FARS2: variants seen among roughly 807,000 people sequenced by gnomAD.
FARS2 encodes phenylalanyl-tRNA synthetase 2, mitochondrial, also known as phenylalanine--tRNA ligase, mitochondrial.
A neutral mutation model predicts 46.4 loss-of-function variants in FARS2; 40 were observed. The ratio of observed to expected loss-of-function variants is 0.86; its 90% CI spans 0.67 to 1.12. The LOEUF is 1.12. Among genes scored for constraint, FARS2 ranks in the 50% most tolerant of loss-of-function variants. The pLI is 0.00. For synonymous variants in FARS2, 234 were observed against 214.9 expected (o/e 1.09, Z -0.78); for missense variants, 513 against 567.9 (o/e 0.90, Z 0.98).
At chr6:5,258,338 C>G (rs1481507328), upstream of FARS2, among the ~76,000 whole-genome samples, 2 of 152,264 alleles carry the variant, frequency 1.3e-5, no homozygotes, top group Non-Finnish European at 2.9e-5. Flanking sequence ...GCTTATTCAG[C>G]ACTACCTGTG....
chr6:5,733,588 T>C (rs969841680), intron 6 of FARS2, among the ~76,000 whole-genome samples: 5 of 152,242 alleles, frequency 3.3e-5, no homozygotes, highest in African/African-American at 1.2e-4. Flanking sequence ...CTTGCCCTAA[T>C]TTTAATCATG....
At chr6:5,314,270 AT>A (rs1769289154) in intron 1 of FARS2, among the ~76,000 whole-genome samples, 1 of 152,100 alleles carries the variant, frequency 6.6e-6, no homozygotes, top group Admixed American at 6.6e-5. Flanking sequence ...AGGCAGATGG[AT>A]ACCTGGGATA....
chr6:5,379,141 A>G (rs144945637), intron 2 of FARS2, among the ~76,000 whole-genome samples: 1 of 151,868 alleles, frequency 6.6e-6, no homozygotes, highest in East Asian at 1.9e-4. Context: ...TGGTTAGTCA[A>G]CTCCTTAAGG....
intron 2 of FARS2, among the ~76,000 whole-genome samples, chr6:5,395,762 A>G (rs1163278768): frequency 1.3e-5 from 2 of 152,166 alleles, no homozygotes; most frequent in Non-Finnish European, 2.9e-5. Flanking sequence ...GCATTAGGAG[A>G]GACTGATGTT....
chr6:5,715,651 T>C (rs1355702212), intron 6 of FARS2, among the ~76,000 whole-genome samples: 5 of 152,244 alleles, frequency 3.3e-5, no homozygotes, highest in Non-Finnish European at 7.3e-5. Flanking sequence ...CATGTATCAA[T>C]ATGGCATTCC....
At chr6:5,479,448 A>G (rs1766316554) in intron 4 of FARS2, among the ~76,000 whole-genome samples, 1 of 152,226 alleles carries the variant, frequency 6.6e-6, no homozygotes, top group Non-Finnish European at 1.5e-5. Context: ...ACCAGGGGAC[A>G]GTCTTTTCTT....
At chr6:5,587,009 G>A (rs1043624609) in intron 5 of FARS2, among the ~76,000 whole-genome samples, 10 of 152,220 alleles carry the variant, frequency 6.6e-5, no homozygotes, top group East Asian at 3.9e-4. Flanking sequence ...ATAATCTCCC[G>A]ATAAGTAAGA....
chr6:5,554,985 G>A (rs769351107), intron 5 of FARS2, among the ~76,000 whole-genome samples: 4 of 152,058 alleles, frequency 2.6e-5, no homozygotes, highest in Non-Finnish European at 5.9e-5. Context: ...ATGTAATATG[G>A]TTTGGCTCTG....
At chr6:5,732,075 G>A (rs1760664288) in intron 6 of FARS2, among the ~76,000 whole-genome samples, 1 of 152,198 alleles carries the variant, frequency 6.6e-6, no homozygotes, top group African/African-American at 2.4e-5. Flanking sequence ...AGGGTTTTGT[G>A]TTCTTCTTAT....
At chr6:5,645,619 A>G (rs1279927056) in intron 6 of FARS2, among the ~76,000 whole-genome samples, 1 of 152,198 alleles carries the variant, frequency 6.6e-6, no homozygotes, top group Non-Finnish European at 1.5e-5. Context: ...AACTGCTGCA[A>G]AAATGAAGCT....
intron 6 of FARS2, among the ~76,000 whole-genome samples, chr6:5,616,026 A>AC: frequency 6.6e-6 from 1 of 151,178 alleles, no homozygotes; most frequent in African/African-American, 2.4e-5. Context: ...AAAAAAAAAA[A>AC]AAAAAAAAAC....
intron 1 of FARS2, among the ~76,000 whole-genome samples, chr6:5,331,280 G>GT (rs1770783302): frequency 6.6e-6 from 1 of 152,044 alleles, no homozygotes; most frequent in Non-Finnish European, 1.5e-5. Flanking sequence ...CATTCAAAGA[G>GT]TTTTTGCCTG....
chr6:5,356,021 C>G (rs1019003967), intron 1 of FARS2, among the ~76,000 whole-genome samples: 1 of 152,182 alleles, frequency 6.6e-6, no homozygotes, highest in Non-Finnish European at 1.5e-5. Flanking sequence ...TGCGCATGTT[C>G]CCAGCTGAGG....
chr6:5,729,013 C>T (rs946802206), intron 6 of FARS2, among the ~76,000 whole-genome samples: 6 of 152,184 alleles, frequency 3.9e-5, no homozygotes, highest in South Asian at 2.1e-4. Context: ...CTAGGACGCC[C>T]GCTACCTGGG....
intron 4 of FARS2, among the ~76,000 whole-genome samples, chr6:5,443,214 C>T (rs992492312): frequency 7.2e-5 from 11 of 152,198 alleles, no homozygotes; most frequent in African/African-American, 2.7e-4. Flanking sequence ...ACAGTCTAAC[C>T]ATTAGCTTTT....
upstream of FARS2, chr6:5,260,871 A>C: frequency 1.4e-6 from 2 of 1,448,712 alleles, no homozygotes; most frequent in Non-Finnish European, 9.0e-7. Flanking sequence ...GCCGGGCCTA[A>C]GCCTAAGCGG....
intron 4 of FARS2, among the ~76,000 whole-genome samples, chr6:5,436,735 G>T (rs141694717): frequency 1.4e-4 from 21 of 152,240 alleles, no homozygotes; most frequent in African/African-American, 3.9e-4. Flanking sequence ...TACTTGGAGA[G>T]GTTATTTAAA....
At chr6:5,699,524 T>C (rs1183014244) in intron 6 of FARS2, among the ~76,000 whole-genome samples, 2 of 151,824 alleles carry the variant, frequency 1.3e-5, no homozygotes, top group Non-Finnish European at 2.9e-5. Context: ...TTTTTTTTTT[T>C]TGAGGTGGCG....
chr6:5,289,347 A>C (rs1767345522), intron 1 of FARS2, among the ~76,000 whole-genome samples: 1 of 152,250 alleles, frequency 6.6e-6, no homozygotes, highest in Non-Finnish European at 1.5e-5. Context: ...TTTTGAACAA[A>C]GAATTAGACA....
Sources: gnomAD v4.1 joint callset for allele counts (sites outside exome capture counted in the v4.1 genomes callset) on GRCh38, gnomAD v4.1.1 for gene constraint, MANE v1.5 for transcripts, NCBI Gene and HGNC (gene_info 2026-07-23, HGNC 2026-07-21) for gene names.